Variants in EDC3 observed in about 807,000 individuals in gnomAD.
The protein encoded by EDC3 is enhancer of mRNA decapping 3, also known as enhancer of mRNA-decapping protein 3.
A neutral mutation model predicts 41.8 loss-of-function variants in EDC3; 20 were observed. The ratio of observed to expected loss-of-function variants is 0.48; its 90% CI spans 0.34 to 0.70. The LOEUF is 0.70. Among genes scored for constraint, EDC3 ranks in the 30% least tolerant of loss-of-function variants. EDC3 has a pLI of 0.01. For synonymous variants in EDC3, 206 were observed against 243.2 expected (o/e 0.85, Z 1.42); for missense variants, 444 against 636.8 (o/e 0.70, Z 3.26).
At chr15:74,655,073 CCT>C (rs551258694) in intron 4 of EDC3, among the ~76,000 whole-genome samples, 71 of 152,230 alleles carry the variant, frequency 4.7e-4, no homozygotes, top group Non-Finnish European at 9.3e-4. Flanking sequence ...TGATGAATTA[CCT>C]CTCTCACACT....
Position 74,640,450 on chromosome 15 carries a change from G to A in EDC3, c.974+16C>T. 1 of 1,613,328 alleles carries A rather than the reference G, an allele frequency of 6.2e-7. No homozygotes were observed. The highest frequency in any genetic ancestry group is 8.5e-7 in the Non-Finnish European group (1 of 1,179,784). ...CTTACTCCACATTGAGTCCCTGCCAGTTTATAGACATTTACCTGTTAGGTC... is the reference window on the plus strand; with the variant it reads ...CTTACTCCACATTGAGTCCCTGCCAATTTATAGACATTTACCTGTTAGGTC... On this transcript the variant is annotated intron_variant, in intron 5 of 6. Coordinates refer to ENST00000315127, the MANE Select transcript of EDC3 (RefSeq NM_025083.5).
intron 3 of EDC3, among the ~76,000 whole-genome samples, chr15:74,659,855 G>A (rs948538416): frequency 1.3e-5 from 2 of 152,044 alleles, no homozygotes; most frequent in Non-Finnish European, 2.9e-5. Flanking sequence ...GACCATCCTG[G>A]CCAACATGGT....
intron 3 of EDC3, among the ~76,000 whole-genome samples, chr15:74,658,517 C>G (rs60479888): frequency 6.9e-6 from 1 of 144,990 alleles, no homozygotes; most frequent in Non-Finnish European, 1.5e-5. Context: ...AATAATTATT[C>G]TGAAAGGTAT....
chr15:74,665,532 C>T (rs978140127), intron 3 of EDC3, among the ~76,000 whole-genome samples: 1 of 152,148 alleles, frequency 6.6e-6, no homozygotes, highest in Non-Finnish European at 1.5e-5. Flanking sequence ...AGAGCTGCAC[C>T]CTAAACAAGG....
At chr15:74,635,877 C>T (rs2062266936) in intron 5 of EDC3, 2 of 540,002 alleles carry the variant, frequency 3.7e-6, no homozygotes, top group East Asian at 3.1e-5. Flanking sequence ...TCTTGCTCCA[C>T]ACAACACTGT....
chr15:74,652,537 T>A (rs909761011), intron 4 of EDC3, among the ~76,000 whole-genome samples: 1 of 148,242 alleles, frequency 6.7e-6, no homozygotes, highest in South Asian at 2.2e-4. Flanking sequence ...CTTTTCCTCA[T>A]TTTTATTCAC....
At chr15:74,652,850 G>A (rs1054709378) in intron 4 of EDC3, among the ~76,000 whole-genome samples, 3 of 151,816 alleles carry the variant, frequency 2.0e-5, no homozygotes, top group African/African-American at 7.3e-5. Context: ...GAAGTGCTGG[G>A]ATTACAGGCA....
rs2062229757 is a variant in EDC3, at chr15:74,632,906, C to T, written c.1233G>A (p.Leu411=). 6.2e-7 allele frequency: 1 copy of T among 1,614,104 alleles called. No homozygotes were observed. The highest frequency in any genetic ancestry group is 1.1e-5 in the South Asian group (1 of 91,094). ...GCAGGAAGACGTTCTCAGGGCAATC[C>T]AGGCAGTTGATGACCAGGTCCACAG... ...TSPVDLVINC[L]DCPENVFLRD... The change falls in exon 7 of 7, where the codon CTG becomes CTA. Residue 411 remains leucine (L), a synonymous_variant. Transcript: ENST00000315127. This position sits in a 1 kb window ranked among gnomAD's most constrained non-coding sequence, Gnocchi z 4.0.
intron 4 of EDC3, chr15:74,641,827 A>G (rs191597189): frequency 3.3e-4 from 51 of 153,034 alleles, no homozygotes; most frequent in Non-Finnish European, 8.8e-5. Context: ...TTCCAGCTAC[A>G]CTTATCAACG....
chr15:74,631,329 C>T lies in EDC3; in HGVS notation c.*1283G>A, dbSNP rs544988418. The stretch of plus-strand genomic sequence containing the variant: ...CCTGAAGCCCTGAAGCAGGCTTAAA[C>T]ACAAGTCCTTGACAGGAATCCCTGC... On this transcript the variant is annotated 3_prime_UTR_variant, in exon 7 of 7. Transcript: ENST00000315127. 1 of 152,412 alleles carries T rather than the reference C, an allele frequency of 6.6e-6. No individual in the cohort carries two copies. Among genetic ancestry groups the T allele is most frequent in the East Asian group, 1.9e-4 (1 of 5,192 alleles). 9.4% of individuals were successfully genotyped at this position (152,412 alleles called of 1,614,324 possible). A position where few individuals can be genotyped will look rare whatever the true frequency, so the allele number is the denominator to read the frequency against.
At chr15:74,685,171 G>GAT (rs1381828803) in intron 1 of EDC3, among the ~76,000 whole-genome samples, 2 of 152,100 alleles carry the variant, frequency 1.3e-5, no homozygotes, top group East Asian at 3.9e-4. Flanking sequence ...AAGGTGGGCA[G>GAT]ATGGCTTGAG....
At chr15:74,690,174 A>G (rs548858079) in intron 1 of EDC3, among the ~76,000 whole-genome samples, 4 of 152,220 alleles carry the variant, frequency 2.6e-5, no homozygotes, top group African/African-American at 4.8e-5. Flanking sequence ...ATTAAAATCT[A>G]TCCTAACAAT....
chr15:74,654,281 G>A (rs974670240), intron 4 of EDC3, among the ~76,000 whole-genome samples: 7 of 151,454 alleles, frequency 4.6e-5, no homozygotes, highest in Non-Finnish European at 7.4e-5. Context: ...ATCCTGCAGT[G>A]TAAATAGTTC....
chr15:74,643,798 A>G (rs952509802), intron 4 of EDC3: 1 of 152,190 alleles, frequency 6.6e-6, no homozygotes, highest in Non-Finnish European at 1.5e-5. Context: ...GTTATCTCAG[A>G]TCTAACTCAA....
At chr15:74,638,110 G>A (rs1471088581) in intron 5 of EDC3, 1 of 151,988 alleles carries the variant, frequency 6.6e-6, no homozygotes, top group Non-Finnish European at 1.5e-5. Context: ...CTATTTCCTT[G>A]GTTCTTACAC....
At chr15:74,675,283 TA>T (rs900121935) in intron 1 of EDC3, 141 bp from the exon 2 acceptor site, 6 of 651,204 alleles carry the variant, frequency 9.2e-6, no homozygotes, top group African/African-American at 7.3e-5. Flanking sequence ...TAATAAATCT[TA>T]AAAAAATTAA....
At chr15:74,653,187 C>CAAA (rs57778832) in intron 4 of EDC3, among the ~76,000 whole-genome samples, 2 of 99,642 alleles carry the variant, frequency 2.0e-5, no homozygotes, top group Non-Finnish European at 2.2e-5. Context: ...ACTCTGTCTC[C>CAAA]AAAAAAAAAA....
chr15:74,691,768 G>A (rs554949708), intron 1 of EDC3, among the ~76,000 whole-genome samples: 1 of 152,174 alleles, frequency 6.6e-6, no homozygotes, highest in African/African-American at 2.4e-5. Flanking sequence ...AAGTTTTATT[G>A]GAACACAACT....
At chr15:74,645,842 A>G (rs1372966443) in intron 4 of EDC3, among the ~76,000 whole-genome samples, 23 of 152,056 alleles carry the variant, frequency 1.5e-4, no homozygotes, top group Admixed American at 1.5e-3. Flanking sequence ...ACTGCACTCT[A>G]TCTAGCCTGG....
Sources: allele counts gnomAD v4.1 joint callset (sites outside exome capture counted in the v4.1 genomes callset), GRCh38; gene constraint gnomAD v4.1.1; non-coding constraint Gnocchi (gnomAD v3.1); transcripts MANE v1.5; gene names NCBI Gene and HGNC (gene_info 2026-07-23, HGNC 2026-07-21).